CLDN18: variants seen among roughly 807,000 people sequenced by gnomAD.
CLDN18 encodes claudin-18.
In CLDN18, 20 loss-of-function variants were observed where a neutral mutation model predicts 25.0. The ratio of observed to expected loss-of-function variants is 0.80; its 90% CI spans 0.56 to 1.16. The LOEUF (loss-of-function observed/expected upper bound fraction) is 1.16. Among genes scored for constraint, CLDN18 ranks in the 50% most tolerant of loss-of-function variants. CLDN18 has a pLI of 0.00. For synonymous variants in CLDN18, 125 were observed against 135.6 expected (o/e 0.92, Z 0.54); for missense variants, 297 against 345.4 (o/e 0.86, Z 1.11).
rs138443095 is a variant in CLDN18, at chr3:138,029,876, G to A, written c.583G>A (p.Ala195Thr). The A allele has an allele frequency of 7.8e-5, 124 of 1,594,536 alleles. No individual in the cohort carries two copies. The highest frequency in any genetic ancestry group is 1.7e-4 in the Middle Eastern group (1 of 6,034). The change falls in exon 4 of 5, where the codon GCC (alanine) becomes ACC (threonine). Residue 195 changes from alanine (A) to threonine (T), a missense_variant. By Grantham distance (58) the Ala-to-Thr change is moderately conservative. Coordinates refer to ENST00000183605, the MANE Select transcript of CLDN18 (RefSeq NM_016369.4). Reference sequence around the variant, plus strand: ...AATTGGGGGTGTGATGATGTGCATCGCCTGCCGGGGCCTGGCACCAGAAGA... The same window carrying A: ...AATTGGGGGTGTGATGATGTGCATCACCTGCCGGGGCCTGGCACCAGAAGA... ...TLIGGVMMCIACRGLAPEETN... is the reference protein window; with the variant it reads ...TLIGGVMMCITCRGLAPEETN...
At chr3:138,025,938 T>C (rs1942322285) in intron 3 of CLDN18, among the ~76,000 whole-genome samples, 1 of 152,048 alleles carries the variant, frequency 6.6e-6, no homozygotes, top group African/African-American at 2.4e-5. Context: ...TCTCACATCA[T>C]CTCCCTAGCA....
At chr3:138,006,452 T>C (rs1942070610), upstream of CLDN18, among the ~76,000 whole-genome samples, 1 of 152,204 alleles carries the variant, frequency 6.6e-6, no homozygotes, top group African/African-American at 2.4e-5. Flanking sequence ...TAAACCTGAA[T>C]GCAGGGATGA....
chr3:138,030,823 T>A (rs761250039), intron 4 of CLDN18, 147 bp from the exon 5 acceptor site: 18 of 683,892 alleles, frequency 2.6e-5, no homozygotes, highest in Non-Finnish European at 4.0e-5. Flanking sequence ...AAACTAAGGT[T>A]ACTAACTATC....
At chr3:138,017,873 C>T (rs1300740462) in intron 1 of CLDN18, among the ~76,000 whole-genome samples, 1 of 152,214 alleles carries the variant, frequency 6.6e-6, no homozygotes, top group Non-Finnish European at 1.5e-5. Context: ...TGGGCCTACA[C>T]AGCTCAAGAG....
At chr3:138,009,932 C>G (rs1349044814), upstream of CLDN18, 1 of 385,360 alleles carries the variant, frequency 2.6e-6, no homozygotes, top group East Asian at 4.6e-5. Context: ...GGAGGCCGGT[C>G]TGGCCCGGAG....
intron 3 of CLDN18, among the ~76,000 whole-genome samples, chr3:138,027,186 C>T (rs1942336843): frequency 6.6e-6 from 1 of 152,242 alleles, no homozygotes; most frequent in Non-Finnish European, 1.5e-5. Context: ...TCTCATATGA[C>T]CTCCATCTCT....
intron 1 of CLDN18, among the ~76,000 whole-genome samples, chr3:138,017,551 G>C (rs574176835): frequency 6.6e-6 from 1 of 152,266 alleles, no homozygotes; most frequent in South Asian, 2.1e-4. Context: ...AAAAAAATGA[G>C]ACTTCTCATA....
At chr3:138,016,237 G>A (rs1020377405) in intron 1 of CLDN18, among the ~76,000 whole-genome samples, 1 of 152,184 alleles carries the variant, frequency 6.6e-6, no homozygotes, top group Non-Finnish European at 1.5e-5. Context: ...GAAACAGGAA[G>A]TGAACACAAG....
Position 138,031,740 on chromosome 3 carries a change from C to G in CLDN18, c.*599C>G, listed in dbSNP as rs1215930010. On this transcript the variant is annotated 3_prime_UTR_variant, in exon 5 of 5. Transcript: ENST00000183605. Reference sequence around the variant, plus strand: ...AAAGTCATTTTCAGTTTGAGGCAACCAAACCTTTCTACTGCTGTTGACATC... The same window carrying G: ...AAAGTCATTTTCAGTTTGAGGCAACGAAACCTTTCTACTGCTGTTGACATC... 1 of 152,152 alleles carries G rather than the reference C, an allele frequency of 6.6e-6. No homozygotes were observed. The highest frequency in any genetic ancestry group is 2.4e-5 in the African/African-American group (1 of 41,400). 9.4% of individuals were successfully genotyped at this position (152,152 alleles called of 1,614,324 possible).
At chr3:137,998,895 G>C (rs1472673453) in exon 1 of CLDN18, 15 of 1,614,244 alleles carry the variant, frequency 9.3e-6, no homozygotes, top group Non-Finnish European at 1.3e-5. Context: ...GTCAGGGCTT[G>C]GGGTTCGTGG....
chr3:138,018,660 A>G (rs114142991), intron 1 of CLDN18, among the ~76,000 whole-genome samples: 2,128 of 152,312 alleles, frequency 0.014, 36 homozygotes, highest in African/African-American at 0.048. Context: ...TAAGGCCTCA[A>G]CGTCATTCCT....
intron 2 of CLDN18, 44 bp from the exon 3 acceptor site, chr3:138,024,563 T>C (rs1376649975): frequency 1.0e-5 from 12 of 1,174,826 alleles, no homozygotes; most frequent in Non-Finnish European, 1.3e-6. Flanking sequence ...AACATTGTAA[T>C]CCCTTGAAAC....
chr3:138,003,207 T>C (rs1942036776), intron 1 of CLDN18, among the ~76,000 whole-genome samples: 1 of 152,172 alleles, frequency 6.6e-6, no homozygotes, highest in African/African-American at 2.4e-5. Flanking sequence ...ACACCAGTTA[T>C]GGCAACCAAA....
intron 1 of CLDN18, among the ~76,000 whole-genome samples, chr3:138,023,234 A>G (rs1041577705): frequency 2.6e-5 from 4 of 152,236 alleles, no homozygotes; most frequent in Non-Finnish European, 5.9e-5. Context: ...ATGGAAACAC[A>G]AGAGAAGAAA....
chr3:138,013,891 G>A (rs989101259), intron 1 of CLDN18, among the ~76,000 whole-genome samples: 8 of 152,138 alleles, frequency 5.3e-5, no homozygotes, highest in Non-Finnish European at 1.0e-4. Flanking sequence ...ATTTTGGTGG[G>A]GATGGCCTGG....
intron 1 of CLDN18, among the ~76,000 whole-genome samples, chr3:138,020,788 G>A (rs775101717): frequency 2.0e-5 from 3 of 152,172 alleles, no homozygotes; most frequent in South Asian, 2.1e-4. Flanking sequence ...CATCCATTTC[G>A]GAGGATGATA....
chr3:138,028,113 G>A (rs12496463), intron 3 of CLDN18, among the ~76,000 whole-genome samples: 20,252 of 151,534 alleles, frequency 0.13, 1,751 homozygotes, highest in East Asian at 0.27. Context: ...TGCCCAGGCT[G>A]GAGTGCAATG....
At chr3:138,028,340 T>C (rs992800481) in intron 3 of CLDN18, among the ~76,000 whole-genome samples, 7 of 152,156 alleles carry the variant, frequency 4.6e-5, no homozygotes, top group African/African-American at 1.7e-4. Context: ...GCTGGGATTA[T>C]AGGCGTGAGC....
intron 1 of CLDN18, among the ~76,000 whole-genome samples, chr3:138,014,677 A>G (rs1942184151): frequency 6.6e-6 from 1 of 152,180 alleles, no homozygotes; most frequent in Non-Finnish European, 1.5e-5. Context: ...ACTTCTTGGG[A>G]TTGAGTTTGC....
Sources: gnomAD v4.1 joint callset for allele counts (sites outside exome capture counted in the v4.1 genomes callset) on GRCh38, gnomAD v4.1.1 for gene constraint, MANE v1.5 for transcripts, NCBI Gene and HGNC (gene_info 2026-07-23, HGNC 2026-07-21) for gene names.